SRPK2: variants seen among roughly 807,000 people sequenced by gnomAD.
SRPK2 encodes the protein SRSF protein kinase 2, also known as SFRS protein kinase 2.
In SRPK2, 21 loss-of-function variants were observed where a neutral mutation model predicts 90.8. The ratio of observed to expected loss-of-function variants is 0.23; its 90% CI spans 0.16 to 0.33. The LOEUF (loss-of-function observed/expected upper bound fraction) is 0.33. Among genes scored for constraint, SRPK2 ranks in the 10% least tolerant of loss-of-function variants. The pLI is 1.00. For missense variants in SRPK2, 620 were observed against 869.0 expected (o/e 0.71, Z 3.60); for synonymous variants, 288 against 311.1 (o/e 0.93, Z 0.78).
intron 6 of SRPK2, among the ~76,000 whole-genome samples, chr7:105,166,366 T>C (rs1301006867): frequency 2.0e-5 from 3 of 152,358 alleles, no homozygotes; most frequent in African/African-American, 4.8e-5. Flanking sequence ...ATACCAACGA[T>C]ATCTGACGAG....
intron 2 of SRPK2, among the ~76,000 whole-genome samples, chr7:105,368,054 T>C (rs796401249): frequency 4.6e-5 from 7 of 152,250 alleles, no homozygotes; most frequent in African/African-American, 1.4e-4. Context: ...ATTTAACTGA[T>C]CACAAAGAAG....
At chr7:105,204,125 T>G in intron 2 of SRPK2, among the ~76,000 whole-genome samples, 1 of 152,210 alleles carries the variant, frequency 6.6e-6, no homozygotes, top group Non-Finnish European at 1.5e-5. Flanking sequence ...GAAAGCGTAT[T>G]CCATGGTATA....
downstream of SRPK2, chr7:105,116,360 T>C (rs545699765): frequency 7.9e-5 from 12 of 152,434 alleles, no homozygotes; most frequent in South Asian, 2.5e-3. Context: ...TATAGGGCAA[T>C]GACCAAGGCA....
chr7:105,250,778 G>A (rs1802378297), intron 2 of SRPK2, among the ~76,000 whole-genome samples: 2 of 152,148 alleles, frequency 1.3e-5, no homozygotes, highest in South Asian at 4.1e-4. Context: ...AAAACCTTTA[G>A]TGGTCCCCAT....
intron 2 of SRPK2, among the ~76,000 whole-genome samples, chr7:105,316,710 A>G (rs1812348869): frequency 1.3e-5 from 2 of 152,242 alleles, no homozygotes; most frequent in African/African-American, 4.8e-5. Context: ...CAAGGATAGG[A>G]CAAAGTTACT....
chr7:105,199,075 T>G (rs1795248690), intron 3 of SRPK2, among the ~76,000 whole-genome samples: 1 of 152,202 alleles, frequency 6.6e-6, no homozygotes, highest in Non-Finnish European at 1.5e-5. Context: ...ACCCTCTTAT[T>G]AAAACAGCTG....
chr7:105,232,459 A>T (rs1386387518), intron 2 of SRPK2, among the ~76,000 whole-genome samples: 310 of 3,964 alleles, frequency 0.078, 8 homozygotes, highest in East Asian at 0.33. Flanking sequence ...AACCTTATCT[A>T]AAAAAAAAAA....
chr7:105,366,185 T>C (rs547804069), intron 2 of SRPK2, among the ~76,000 whole-genome samples: 2 of 152,042 alleles, frequency 1.3e-5, no homozygotes, highest in African/African-American at 2.4e-5. Context: ...TGGGAACTCA[T>C]ACGCTGCCAC....
intron 2 of SRPK2, among the ~76,000 whole-genome samples, chr7:105,248,435 TTAAAAAAA>T (rs1802014422): frequency 9.1e-6 from 1 of 109,594 alleles, no homozygotes; most frequent in Non-Finnish European, 1.9e-5. Context: ...TACAAAAAAT[TTAAAAAAA>T]AAAAAAAAAA....
intron 1 of SRPK2, among the ~76,000 whole-genome samples, chr7:105,396,949 C>T (rs1414811319): frequency 6.6e-6 from 1 of 152,084 alleles, no homozygotes; most frequent in African/African-American, 2.4e-5. Flanking sequence ...TTCAGAAATG[C>T]AGCACAATGT....
At chr7:105,375,725 T>C (rs1277857074) in intron 2 of SRPK2, among the ~76,000 whole-genome samples, 2 of 152,112 alleles carry the variant, frequency 1.3e-5, no homozygotes, top group Non-Finnish European at 2.9e-5. Context: ...TTACCACAGG[T>C]CCACAATCCT....
At chr7:105,218,956 GA>G (rs1797778477) in intron 2 of SRPK2, among the ~76,000 whole-genome samples, 1 of 151,832 alleles carries the variant, frequency 6.6e-6, no homozygotes, top group African/African-American at 2.4e-5. Flanking sequence ...AAAATAATGA[GA>G]ATAGAGAAGA....
At chr7:105,351,712 C>CA (rs777075970) in intron 2 of SRPK2, among the ~76,000 whole-genome samples, 15 of 149,194 alleles carry the variant, frequency 1.0e-4, no homozygotes, top group Non-Finnish European at 1.3e-4. Flanking sequence ...GCTGAGGCAG[C>CA]AAAATCGCTT....
intron 2 of SRPK2, among the ~76,000 whole-genome samples, chr7:105,356,987 T>C (rs1817848417): frequency 6.6e-6 from 1 of 152,194 alleles, no homozygotes; most frequent in Non-Finnish European, 1.5e-5. Flanking sequence ...ACTAAGACTA[T>C]TAAATCTTTT....
chr7:105,144,605 C>T (rs973070676), intron 9 of SRPK2, among the ~76,000 whole-genome samples: 2 of 152,078 alleles, frequency 1.3e-5, no homozygotes, highest in Admixed American at 1.3e-4. Context: ...TATTTAACAT[C>T]CGCATGGAAA....
At chr7:105,323,898 T>C (rs1813218263) in intron 2 of SRPK2, among the ~76,000 whole-genome samples, 1 of 151,906 alleles carries the variant, frequency 6.6e-6, no homozygotes, top group Non-Finnish European at 1.5e-5. Flanking sequence ...TCAAGTATGC[T>C]CAAGAAAAAT....
intron 2 of SRPK2, among the ~76,000 whole-genome samples, chr7:105,300,890 A>G (rs1041544746): frequency 5.3e-5 from 8 of 152,202 alleles, no homozygotes; most frequent in Admixed American, 2.0e-4. Flanking sequence ...GGATGTGGAG[A>G]AAACAGGAAC....
At chr7:105,140,968 A>T (rs1803660623) in intron 11 of SRPK2, among the ~76,000 whole-genome samples, 1 of 152,190 alleles carries the variant, frequency 6.6e-6, no homozygotes, top group Admixed American at 6.5e-5. Context: ...CTCATAAAAA[A>T]AAAAAGAAAC....
rs561992205 is a variant in SRPK2 at position 105,242,150 on chromosome 7, C to T, written c.72-38365G>A. Reference sequence around the variant, plus strand: ...AAAATGAATATGATATCAAATGACCCTTCAACCTTAGAGCTCTAAGTTAAT... The same window carrying T: ...AAAATGAATATGATATCAAATGACCTTTCAACCTTAGAGCTCTAAGTTAAT... On this transcript the variant is annotated intron_variant, in intron 2 of 15. Coordinates refer to ENST00000393651, the MANE Select transcript of SRPK2 (RefSeq NM_182692.3). Among the ~76,000 whole-genome samples, 6 of 152,290 alleles carry T rather than the reference C, an allele frequency of 3.9e-5. No individual in the cohort carries two copies. In the South Asian group the frequency reaches 1.2e-3, roughly 32 times the overall value.
Sources: allele counts gnomAD v4.1 joint callset (sites outside exome capture counted in the v4.1 genomes callset), GRCh38; gene constraint gnomAD v4.1.1; transcripts MANE v1.5; gene names NCBI Gene and HGNC (gene_info 2026-07-23, HGNC 2026-07-21).